The following TARS3 variants were observed in gnomAD, a reference collection of about 807,000 sequenced individuals.
TARS3 encodes threonyl-tRNA synthetase 3, also known as threonine--tRNA ligase 2, cytoplasmic.
In TARS3, 94 loss-of-function variants were observed where a neutral mutation model predicts 103.5. The observed-to-expected ratio is 0.91, with a 90% CI of 0.77 to 1.08. TARS3 has a LOEUF of 1.08. TARS3 is among the 50% of genes least tolerant of loss of function. The pLI is 0.00. For missense variants in TARS3, 952 were observed against 995.2 expected (o/e 0.96, Z 0.58); for synonymous variants, 416 against 355.4 (o/e 1.17, Z -1.92).
intron 16 of TARS3, among the ~76,000 whole-genome samples, chr15:101,658,699 C>T (rs187601853): frequency 3.9e-4 from 59 of 152,256 alleles, no homozygotes; most frequent in Middle Eastern, 3.4e-3. Context: ...TGGACAGTCT[C>T]AATGTCTAGT....
Position 101,658,093 on chromosome 15 carries a change from G to A in TARS3, c.2073-236C>T, listed in dbSNP as rs550459536. Among the ~76,000 whole-genome samples the A allele has an allele frequency of 5.9e-5, 9 of 152,248 alleles. No homozygotes were observed. The Middle Eastern group carries it at 0.01, about 174-fold the overall frequency. On this transcript the variant is annotated intron_variant, in intron 16 of 18. Transcript: ENST00000335968. ...GAATGAGCTGGCAGACAGCCCAAAG[G>A]GCTGAGCATGCACTTACTGTCTGCC...
chr15:101,690,888 T>C (rs768243914), intron 10 of TARS3, among the ~76,000 whole-genome samples: 4 of 152,188 alleles, frequency 2.6e-5, no homozygotes, highest in Non-Finnish European at 4.4e-5. Context: ...TCTCTAAGTA[T>C]ATGATAACTG....
intron 15 of TARS3, among the ~76,000 whole-genome samples, chr15:101,664,841 A>G (rs1897515685): frequency 6.6e-6 from 1 of 152,248 alleles, no homozygotes; most frequent in Admixed American, 6.5e-5. Context: ...AATAGCCATT[A>G]TAACTGTACC....
chr15:101,666,708 G>T (rs962993786), intron 15 of TARS3, among the ~76,000 whole-genome samples: 1 of 151,900 alleles, frequency 6.6e-6, no homozygotes, highest in Non-Finnish European at 1.5e-5. Context: ...ATCTTCAACC[G>T]ACCTGCTTTA....
At chr15:101,692,206 G>T (rs1314945171) in intron 10 of TARS3, among the ~76,000 whole-genome samples, 1 of 152,188 alleles carries the variant, frequency 6.6e-6, no homozygotes, top group Admixed American at 6.5e-5. Context: ...CCTGCTGTGG[G>T]TTTACTCAGG....
At chr15:101,675,094 G>A (rs960117044) in intron 13 of TARS3, among the ~76,000 whole-genome samples, 1 of 152,124 alleles carries the variant, frequency 6.6e-6, no homozygotes, top group Non-Finnish European at 1.5e-5. Context: ...AAAAAGCAAT[G>A]TGATGATCTC....
intron 15 of TARS3, among the ~76,000 whole-genome samples, chr15:101,666,302 C>T (rs1188440869): frequency 6.6e-6 from 1 of 151,506 alleles, no homozygotes; most frequent in African/African-American, 2.4e-5. Context: ...ATGGTGAAAC[C>T]CTGTCTCCAC....
rs192532911 is a variant in TARS3, at chr15:101,658,921, T to C, written c.2073-1064A>G. 5.9e-5 allele frequency among the ~76,000 whole-genome samples: 9 copies of C among 152,244 alleles called. No individual in the cohort carries two copies. The East Asian group carries it at 9.6e-4, about 16-fold the overall frequency. On this transcript the variant is annotated intron_variant, in intron 16 of 18. Transcript: ENST00000335968. ...GATTCTCCTAGCTCAGCCTCCTGAGTAGCTGGGATTACAGCCATTGCCACC... is the reference window on the plus strand; with the variant it reads ...GATTCTCCTAGCTCAGCCTCCTGAGCAGCTGGGATTACAGCCATTGCCACC...
At chr15:101,661,214 G>A (rs1897364255) in intron 16 of TARS3, among the ~76,000 whole-genome samples, 1 of 149,678 alleles carries the variant, frequency 6.7e-6, no homozygotes, top group Non-Finnish European at 1.5e-5. Context: ...CATCCTAAAT[G>A]GGCTGTGCTG....
intron 8 of TARS3, 79 bp downstream of exon 8, chr15:101,703,780 A>G: frequency 1.2e-6 from 1 of 838,672 alleles, no homozygotes; most frequent in Non-Finnish European, 2.0e-6. Flanking sequence ...AAAAGATATG[A>G]TTGAATAAGA....
At chr15:101,701,252 A>G (rs1250179721) in intron 9 of TARS3, 68 bp from the exon 10 acceptor site, 12 of 913,068 alleles carry the variant, frequency 1.3e-5, no homozygotes, top group South Asian at 1.8e-5. Context: ...GCACACACAT[A>G]TAATACTCAG....
chr15:101,711,494 C>T (rs1308582695), intron 5 of TARS3, among the ~76,000 whole-genome samples: 1 of 152,188 alleles, frequency 6.6e-6, no homozygotes, highest in African/African-American at 2.4e-5. Flanking sequence ...TCCTCATCAG[C>T]CTACTCAACG....
intron 16 of TARS3, among the ~76,000 whole-genome samples, chr15:101,660,519 CTGGCAGAAGCA>C (rs879528341): frequency 6.6e-6 from 1 of 152,220 alleles, no homozygotes; most frequent in African/African-American, 2.4e-5. Flanking sequence ...TTTGGTGCCA[CTGGCAGAAGCA>C]TGGCAGCAAA....
chr15:101,691,284 A>G (rs1898710121), intron 10 of TARS3, among the ~76,000 whole-genome samples: 1 of 135,370 alleles, frequency 7.4e-6, no homozygotes. Context: ...TTATATATAT[A>G]TATATATATT....
Position 101,684,212 on chromosome 15 carries a change from A to G in TARS3, c.1513T>C (p.Ser505Pro), listed in dbSNP as rs766518014. The G allele has an allele frequency of 3.1e-6, 5 of 1,613,966 alleles. No individual in the cohort carries two copies. Among genetic ancestry groups the G allele is most frequent in the Non-Finnish European group, 3.4e-6 (4 of 1,179,884 alleles). ...HCLMFAHRPRSWREMPIRFAD... is the reference protein window; with the variant it reads ...HCLMFAHRPRPWREMPIRFAD... ...AATCTAATAGGCATTTCCCTCCAAG[A>G]TCGTGGACGATGGGCAAACATTAGA... The change falls in exon 12 of 19, where the codon TCT becomes CCT. Residue 505 changes from serine (S) to proline (P), a missense_variant. Ser to Pro is a moderately conservative substitution (Grantham distance 74). Transcript: ENST00000335968.
rs572377368 is a variant in TARS3, at chr15:101,680,105, T to C, written c.1650+3970A>G. 7.9e-5 allele frequency among the ~76,000 whole-genome samples: 12 copies of C among 152,238 alleles called. 1 individual carries two copies. The South Asian group carries it at 2.1e-3, about 26-fold the overall frequency. ...ACACTGCTGGGTTGGGGGAGGGGGA[T>C]GGGATCTTGTTAATGCAGGAGTAAA... On this transcript the variant is annotated intron_variant, in intron 12 of 18. Coordinates refer to ENST00000335968, the MANE Select transcript of TARS3 (RefSeq NM_152334.3).
At position 101,714,878 on chromosome 15, in the gene TARS3, G is replaced by T; in HGVS notation, c.652C>A (p.Leu218Ile). The T allele has an allele frequency of 6.2e-7, 1 of 1,613,084 alleles. No individual in the cohort carries two copies. The highest frequency in any genetic ancestry group is 8.5e-7 in the Non-Finnish European group (1 of 1,179,482). The part of the protein sequence containing the change: ...LDRPLEGDSS[L>I]ELLTFDNEEA... ...TCATTATCAAATGTAAGCAGCTCTA[G>T]AGAAGAGTCCCCTTCCAATGGGCGG... The change falls in exon 4 of 19, where the codon CTA becomes ATA. Residue 218 changes from leucine to isoleucine, a missense_variant. Leu to Ile is a conservative substitution (Grantham distance 5). Around this residue, in one of 2 missense-constraint regions of TARS3, gnomAD observed 412 missense variants for 364.2 expected, o/e 1.13. Coordinates refer to ENST00000335968, the MANE Select transcript of TARS3 (RefSeq NM_152334.3).
chr15:101,656,907 A>G lies in TARS3; in HGVS notation c.2260+15T>C. 6.5e-7 allele frequency: 1 copy of G among 1,541,382 alleles called. No individual in the cohort carries two copies. The highest frequency in any genetic ancestry group is 8.9e-7 in the Non-Finnish European group (1 of 1,125,078). On this transcript the variant is annotated intron_variant, in intron 18 of 18. Transcript: ENST00000335968. ...AAAAAAAGCATTTGGAAAAATATATACAAACTTAAATTACCCAAAATAAAA... is the reference window on the plus strand; with the variant it reads ...AAAAAAAGCATTTGGAAAAATATATGCAAACTTAAATTACCCAAAATAAAA...
intron 4 of TARS3, among the ~76,000 whole-genome samples, chr15:101,712,645 T>C (rs1438947043): frequency 6.6e-6 from 1 of 152,184 alleles, no homozygotes; most frequent in East Asian, 1.9e-4. Context: ...TTGTCAGTCC[T>C]CCAAGTTCAA....
Sources: allele counts gnomAD v4.1 joint callset (sites outside exome capture counted in the v4.1 genomes callset), GRCh38; gene constraint gnomAD v4.1.1; regional missense constraint gnomAD v4.1.1; transcripts MANE v1.5; gene names NCBI Gene and HGNC (gene_info 2026-07-23, HGNC 2026-07-21).